Variants in PTPRT observed in about 807,000 individuals in gnomAD.
PTPRT encodes the protein protein tyrosine phosphatase receptor type T, also known as receptor-type tyrosine-protein phosphatase T.
PTPRT carries 56 observed loss-of-function variants against 176.8 expected under a neutral mutation model. That is an observed-to-expected ratio of 0.32 (90% CI 0.26 to 0.40). PTPRT has a LOEUF of 0.40. PTPRT is among the 10% of genes least tolerant of loss of function. The probability of loss-of-function intolerance (pLI) is 1.00; values close to 1 mark genes in which losing one functional copy is unlikely to be tolerated. For missense variants in PTPRT, 1,540 were observed against 1,908.2 expected, an observed-to-expected ratio of 0.81 and a Z score of 3.60; for synonymous variants, 783 against 739.0, an observed-to-expected ratio of 1.06 and a Z score of -0.96.
chr20:42,137,656 C>T lies in PTPRT; in HGVS notation c.2770+4259G>A, dbSNP rs567719324. 3.9e-5 allele frequency among the ~76,000 whole-genome samples: 6 copies of T among 152,324 alleles called. No homozygotes were observed. In the South Asian group the frequency reaches 1.2e-3, roughly 32 times the overall value. The stretch of plus-strand genomic sequence containing the variant: ...CTTGCCTGTGAACTCAAAAAGGCTA[C>T]ACTAACTCATCTAGACTTAAAAGTC... On this transcript the variant is annotated intron_variant, in intron 18 of 30. Transcript: ENST00000373187.
rs1568638865 is a variant in PTPRT at position 42,169,793 on chromosome 20, A to ACACACACACACACAC, written c.2492-8252_2492-8251insGTGTGTGTGTGTGTG. Among the ~76,000 whole-genome samples, 645 of 67,120 alleles carry ACACACACACACACAC rather than the reference A, an allele frequency of 9.6e-3. 13 individuals are homozygous for ACACACACACACACAC. Among genetic ancestry groups the ACACACACACACACAC allele is most frequent in the Admixed American group, 0.012 (90 of 7,594 alleles). 44.0% of individuals were successfully genotyped at this position (67,120 alleles called of 152,430 possible). A position where few individuals can be genotyped will look rare whatever the true frequency, so the allele number is the denominator to read the frequency against. ...ACACACACACACACACACACACACA[A>ACACACACACACACAC]CAGTCAGTATTGACTGTTGACCCAA... On this transcript the variant is annotated intron_variant, in intron 16 of 30. Coordinates refer to ENST00000373187, the MANE Select transcript of PTPRT (RefSeq NM_007050.6).
chr20:42,650,162 T>C (rs982799920), intron 7 of PTPRT, among the ~76,000 whole-genome samples: 5 of 152,198 alleles, frequency 3.3e-5, no homozygotes, highest in Non-Finnish European at 7.4e-5. Context: ...TCTCTTCCAC[T>C]TGGCTCCTTT....
chr20:42,066,132 C>T, the PTPRT span, among the ~76,000 whole-genome samples: 38 of 151,262 alleles, frequency 2.5e-4, no homozygotes, highest in East Asian at 6.2e-3. Flanking sequence ...CTCTGCCTCC[C>T]GGGTTCAAAC....
intron 5 of PTPRT, among the ~76,000 whole-genome samples, chr20:42,756,965 C>T (rs1052427781): frequency 2.0e-5 from 3 of 150,584 alleles, no homozygotes; most frequent in Non-Finnish European, 4.4e-5. Context: ...GAAGGAGGAT[C>T]GCCTGAGCCC....
At chr20:42,572,644 A>C (rs759575872) in intron 7 of PTPRT, among the ~76,000 whole-genome samples, 1 of 151,718 alleles carries the variant, frequency 6.6e-6, no homozygotes, top group African/African-American at 2.4e-5. Context: ...CCCATACTGT[A>C]TTCTTCTCCT....
intron 1 of PTPRT, among the ~76,000 whole-genome samples, chr20:43,151,690 C>T (rs1410707807): frequency 1.3e-5 from 2 of 151,890 alleles, no homozygotes; most frequent in Non-Finnish European, 2.9e-5. Flanking sequence ...GGAGAAACCC[C>T]GTCTCTACTA....
intron 1 of PTPRT, among the ~76,000 whole-genome samples, chr20:43,154,458 C>A (rs975943872): frequency 6.6e-6 from 1 of 152,160 alleles, no homozygotes; most frequent in Non-Finnish European, 1.5e-5. Flanking sequence ...AGTGTGATGC[C>A]TCCAGCTTTG....
At chr20:42,550,456 T>C (rs2072748611) in intron 7 of PTPRT, among the ~76,000 whole-genome samples, 1 of 152,112 alleles carries the variant, frequency 6.6e-6, no homozygotes, top group South Asian at 2.1e-4. Flanking sequence ...TTAGGGTTTT[T>C]TTTTAGTTGA....
rs560647270 is a variant in PTPRT, at chr20:42,742,422, C to T, written c.859+14040G>A. ...CAGCTTTTTCTCATTCCCATCACAGCCCAGTGAAGTTACTGGATGAGGAGA... is the reference window on the plus strand; with the variant it reads ...CAGCTTTTTCTCATTCCCATCACAGTCCAGTGAAGTTACTGGATGAGGAGA... On this transcript the variant is annotated intron_variant, in intron 6 of 30. Transcript: ENST00000373187. Among the ~76,000 whole-genome samples, 5 of 152,300 alleles carry T rather than the reference C, an allele frequency of 3.3e-5. No homozygotes were observed. In the East Asian group the frequency reaches 9.6e-4, roughly 29 times the overall value.
chr20:42,643,704 C>T (rs2074818603), intron 7 of PTPRT, among the ~76,000 whole-genome samples: 1 of 152,058 alleles, frequency 6.6e-6, no homozygotes, highest in South Asian at 2.1e-4. Context: ...GCATTTCAAG[C>T]TGGGCAGCTC....
chr20:43,161,644 A>T lies in PTPRT; in HGVS notation c.88+28002T>A, dbSNP rs73106087. On this transcript the variant is annotated intron_variant, in intron 1 of 30. Coordinates refer to ENST00000373187, the MANE Select transcript of PTPRT (RefSeq NM_007050.6). Reference sequence around the variant, plus strand: ...CAGAGCTTCAAACTTCCTCTCCAGAATCCACAGAGCATCCAAGCCTGTGCA... The same window carrying T: ...CAGAGCTTCAAACTTCCTCTCCAGATTCCACAGAGCATCCAAGCCTGTGCA... 5.8e-3 allele frequency among the ~76,000 whole-genome samples: 884 copies of T among 152,206 alleles called. 13 individuals are homozygous for T. Among genetic ancestry groups the T allele is most frequent in the African/African-American group, 0.02 (813 of 41,558 alleles).
intron 7 of PTPRT, among the ~76,000 whole-genome samples, chr20:42,637,008 G>A (rs1052392672): frequency 1.3e-5 from 2 of 152,090 alleles, no homozygotes; most frequent in Middle Eastern, 3.4e-3. Context: ...ACTCTGGAGG[G>A]ATACAATGAG....
At chr20:42,634,681 TC>T (rs1221063739) in intron 7 of PTPRT, among the ~76,000 whole-genome samples, 1 of 152,084 alleles carries the variant, frequency 6.6e-6, no homozygotes, top group Non-Finnish European at 1.5e-5. Flanking sequence ...TCTTTTTTCT[TC>T]CCCAACCCCT....
chr20:42,314,355 C>T (rs928682444), intron 12 of PTPRT, among the ~76,000 whole-genome samples: 3 of 151,676 alleles, frequency 2.0e-5, no homozygotes, highest in Non-Finnish European at 4.4e-5. Flanking sequence ...GGTAAAACCC[C>T]GTCTCTACCA....
In PTPRT at chr20:43,040,191, A is replaced by T. The variant is rs1019449092; in HGVS notation, c.88+149455T>A. The stretch of plus-strand genomic sequence containing the variant: ...ACACTTGAAAATATTTTCTTACCTC[A>T]CTAATAACTGAATGCTAATCAAAAA... On this transcript the variant is annotated intron_variant, in intron 1 of 30. Transcript: ENST00000373187. 6.6e-5 allele frequency among the ~76,000 whole-genome samples: 10 copies of T among 152,234 alleles called. No individual in the cohort carries two copies. In the East Asian group the frequency reaches 1.7e-3, roughly 26 times the overall value.
At chr20:42,137,517 G>A (rs896283434) in intron 18 of PTPRT, among the ~76,000 whole-genome samples, 30 of 152,090 alleles carry the variant, frequency 2.0e-4, no homozygotes, top group Non-Finnish European at 1.3e-4. Context: ...CTTTGGTAAG[G>A]AATATGTGCC....
intron 7 of PTPRT, among the ~76,000 whole-genome samples, chr20:42,511,110 G>T (rs1206163425): frequency 2.0e-5 from 3 of 152,096 alleles, no homozygotes; most frequent in African/African-American, 7.2e-5. Context: ...ATGGCCACAT[G>T]ATGCTCCATG....
chr20:42,073,336 A>T lies in PTPRT; in HGVS notation c.*7543T>A, dbSNP rs1335760516. The T allele has an allele frequency of 5.3e-6, 1 of 189,798 alleles. No individual in the cohort carries two copies. The highest frequency in any genetic ancestry group is 1.1e-5 in the Non-Finnish European group (1 of 90,116). The allele number at this position is 189,798 out of a possible 1,614,324, so 11.8% of individuals were successfully genotyped here. A position where few individuals can be genotyped will look rare whatever the true frequency, so the allele number is the denominator to read the frequency against. On this transcript the variant is annotated 3_prime_UTR_variant, in exon 31 of 31. Transcript: ENST00000373187. The stretch of plus-strand genomic sequence containing the variant: ...CCAATATGGGTTAACCCGGATTTAC[A>T]TGGGCTAGCTCAGGATCCACCTGGT...
intron 2 of PTPRT, among the ~76,000 whole-genome samples, chr20:42,798,600 G>A (rs548243697): frequency 5.9e-5 from 9 of 152,170 alleles, no homozygotes; most frequent in African/African-American, 2.2e-4. Flanking sequence ...TGGGGAGGTG[G>A]TGTTAATTGG....
Sources: allele counts gnomAD v4.1 joint callset (sites outside exome capture counted in the v4.1 genomes callset), GRCh38; gene constraint gnomAD v4.1.1; transcripts MANE v1.5; gene names NCBI Gene and HGNC (gene_info 2026-07-23, HGNC 2026-07-21).